Variants in SUSD1 observed in about 807,000 individuals in gnomAD.
SUSD1 encodes sushi domain-containing protein 1.
Under a neutral mutation model 86.9 loss-of-function variants are expected in SUSD1, and 65 were observed. The observed-to-expected ratio is 0.75, with a 90% CI of 0.61 to 0.92. The LOEUF (loss-of-function observed/expected upper bound fraction) is 0.92. SUSD1 is among the 40% of genes least tolerant of loss of function. The pLI is 0.00. For missense variants in SUSD1, 850 were observed against 929.7 expected, an observed-to-expected ratio of 0.91 and a Z score of 1.11; for synonymous variants, 346 against 350.0, an observed-to-expected ratio of 0.99 and a Z score of 0.13.
chr9:112,109,970 A>T (rs750918642), intron 8 of SUSD1, among the ~76,000 whole-genome samples: 11 of 152,218 alleles, frequency 7.2e-5, no homozygotes, highest in Non-Finnish European at 1.0e-4. Context: ...TTTCTGCTGA[A>T]CTATTCCCAG....
At chr9:112,090,425 C>T (rs1830159381) in intron 10 of SUSD1, among the ~76,000 whole-genome samples, 1 of 152,026 alleles carries the variant, frequency 6.6e-6, no homozygotes, top group African/African-American at 2.4e-5. Context: ...ATGGATTCTA[C>T]CAAATCATCC....
At position 112,112,805 on chromosome 9, in the gene SUSD1, T is replaced by G. The variant is rs1282076339; in HGVS notation, c.950A>C (p.Asn317Thr). Residue 317 changes from asparagine (N) to threonine (T), a missense_variant, in exon 7 of 17, where the codon AAC becomes ACC. Asn to Thr is a moderately conservative substitution (Grantham distance 65, BLOSUM62 0). Transcript: ENST00000374270. ...FNDTCVRWQI[N>T]SRRINPKISY... is the part of the protein sequence containing the mutation. ...GATCTTGGGGTTTATTCTTCTTGAG[T>G]TTATTTGCCATCTCACACAGGTATC... is the stretch of plus-strand genomic sequence containing the variant. The G allele has an allele frequency of 6.2e-7, 1 of 1,613,114 alleles. No homozygotes were observed. The highest frequency in any genetic ancestry group is 8.5e-7 in the Non-Finnish European group (1 of 1,179,238).
At chr9:112,120,721 C>T (rs1831519063) in intron 6 of SUSD1, among the ~76,000 whole-genome samples, 1 of 152,196 alleles carries the variant, frequency 6.6e-6, no homozygotes, top group Non-Finnish European at 1.5e-5. Flanking sequence ...TTAGCAGTTA[C>T]ATAACATGTT....
rs1830498807 is a variant in SUSD1, at chr9:112,098,620, G to A, written c.1324C>T (p.His442Tyr). The A allele has an allele frequency of 2.5e-6, 4 of 1,614,168 alleles. No individual in the cohort carries two copies. The highest frequency in any genetic ancestry group is 3.4e-6 in the Non-Finnish European group (4 of 1,180,020). Residue 442 changes from histidine to tyrosine, a missense_variant, in exon 10 of 17, where the codon CAT (histidine) becomes TAT (tyrosine). Physicochemically the swap from His to Tyr is moderately conservative, Grantham distance 83. Coordinates refer to ENST00000374270, the MANE Select transcript of SUSD1 (RefSeq NM_022486.5). ...GQRWYLANFS[H>Y]ATSFNFTTRE... ...GTTGTGAAGTTAAACGATGTTGCATGAGAAAAGTTAGCCAGATACCACCTC... is the reference window on the plus strand; with the variant it reads ...GTTGTGAAGTTAAACGATGTTGCATAAGAAAAGTTAGCCAGATACCACCTC...
chr9:112,152,751 CTT>C (rs71382410), intron 2 of SUSD1, among the ~76,000 whole-genome samples: 6 of 87,490 alleles, frequency 6.9e-5, no homozygotes, highest in African/African-American at 1.0e-4. Context: ...TTTTTTTAAT[CTT>C]TTTTTTTTTT....
intron 14 of SUSD1, among the ~76,000 whole-genome samples, chr9:112,056,976 A>G (rs936750442): frequency 2.6e-5 from 4 of 152,190 alleles, no homozygotes; most frequent in African/African-American, 4.8e-5. Flanking sequence ...CCCCTGCCCC[A>G]AATTCAAATG....
At chr9:112,049,032 G>A (rs1414748024) in intron 15 of SUSD1, among the ~76,000 whole-genome samples, 1 of 152,212 alleles carries the variant, frequency 6.6e-6, no homozygotes, top group Non-Finnish European at 1.5e-5. Flanking sequence ...TCAGTTCTGA[G>A]TTTAGAAACA....
At chr9:112,063,674 T>G (rs1828835514) in intron 12 of SUSD1, among the ~76,000 whole-genome samples, 3 of 143,434 alleles carry the variant, frequency 2.1e-5, no homozygotes, top group African/African-American at 8.5e-5. Context: ...GAAACTACAC[T>G]GACTGGCTGA....
chr9:112,068,717 ATAT>A (rs1418886169), intron 12 of SUSD1, among the ~76,000 whole-genome samples: 19 of 134,998 alleles, frequency 1.4e-4, no homozygotes, highest in Admixed American at 3.1e-4. Flanking sequence ...AAAAAAAAAA[ATAT>A]TTTTAGCCGT....
At chr9:112,146,637 TA>T (rs144208795) in intron 3 of SUSD1, among the ~76,000 whole-genome samples, 30,006 of 143,968 alleles carry the variant, frequency 0.21, 3,097 homozygotes, top group African/African-American at 0.25. Context: ...CTTCCTAACT[TA>T]AAAAAAAAAA....
At chr9:112,089,821 AAAAAAAAAAAAGAAAAG>A (rs1301486420) in intron 10 of SUSD1, among the ~76,000 whole-genome samples, 47 of 147,340 alleles carry the variant, frequency 3.2e-4, no homozygotes, top group African/African-American at 1.1e-3. Flanking sequence ...CAAAAAAAAA[AAAAAAAAAAAAGAAAAG>A]AAAAGAAAAG....
chr9:112,063,104 C>T (rs1459192316), intron 12 of SUSD1, 71 bp from the exon 13 acceptor site: 8 of 912,160 alleles, frequency 8.8e-6, no homozygotes, highest in East Asian at 2.5e-5. Context: ...AAGAGGTCCT[C>T]GTGAGGGCTA....
chr9:112,107,743 T>C (rs1186888824), intron 8 of SUSD1, among the ~76,000 whole-genome samples: 2 of 152,208 alleles, frequency 1.3e-5, no homozygotes, highest in African/African-American at 4.8e-5. Flanking sequence ...AAATAAGCCA[T>C]TTGTTACTAG....
At chr9:112,123,895 G>A (rs1007365591) in intron 6 of SUSD1, among the ~76,000 whole-genome samples, 13 of 151,964 alleles carry the variant, frequency 8.6e-5, no homozygotes, top group African/African-American at 2.7e-4. Flanking sequence ...ACTATTTTTC[G>A]TCATACCACC....
intron 8 of SUSD1, among the ~76,000 whole-genome samples, chr9:112,102,573 A>C (rs1421473001): frequency 1.3e-5 from 2 of 152,260 alleles, no homozygotes; most frequent in Non-Finnish European, 2.9e-5. Flanking sequence ...AAATATTTAA[A>C]AATTGCTATA....
intron 15 of SUSD1, among the ~76,000 whole-genome samples, chr9:112,051,866 T>C (rs950912930): frequency 2.6e-5 from 4 of 152,120 alleles, no homozygotes; most frequent in Admixed American, 2.6e-4. Flanking sequence ...GGACCTATTG[T>C]TCACACTGCT....
chr9:112,099,380 G>C (rs757473128), intron 9 of SUSD1, among the ~76,000 whole-genome samples: 1 of 151,866 alleles, frequency 6.6e-6, no homozygotes, highest in Non-Finnish European at 1.5e-5. Flanking sequence ...GAAATCCATG[G>C]ACAAGCCTCA....
chr9:112,058,394 TAC>T, intron 14 of SUSD1, 32 bp downstream of exon 14: 1 of 1,596,514 alleles, frequency 6.3e-7, no homozygotes, highest in Non-Finnish European at 8.5e-7. Flanking sequence ...AAGAAGAAAA[TAC>T]AGAGTTCACA....
At chr9:112,096,209 G>T (rs749364415) in intron 10 of SUSD1, among the ~76,000 whole-genome samples, 2 of 152,082 alleles carry the variant, frequency 1.3e-5, no homozygotes, top group Non-Finnish European at 2.9e-5. Context: ...GACACCATGG[G>T]CCTCTCATTT....
Sources: gnomAD v4.1 joint callset for allele counts (sites outside exome capture counted in the v4.1 genomes callset) on GRCh38, gnomAD v4.1.1 for gene constraint, MANE v1.5 for transcripts, NCBI Gene and HGNC (gene_info 2026-07-23, HGNC 2026-07-21) for gene names.